Variants in HERC1 observed in about 807,000 individuals in gnomAD.
HERC1 encodes probable E3 ubiquitin-protein ligase HERC1.
Under a neutral mutation model 554.3 loss-of-function variants are expected in HERC1, and 160 were observed. That is an observed-to-expected ratio of 0.29 (90% CI 0.25 to 0.33). The LOEUF (loss-of-function observed/expected upper bound fraction) is 0.33. Ranked by LOEUF, HERC1 falls within the 10% of genes least tolerant of loss-of-function variation. The probability of loss-of-function intolerance (pLI) is 1.00; values close to 1 mark genes in which losing one functional copy is unlikely to be tolerated. For missense variants in HERC1, 4,919 were observed against 5,918.5 expected (o/e 0.83, Z 5.54); for synonymous variants, 2,175 against 2,131.7 (o/e 1.02, Z -0.56).
intron 55 of HERC1, among the ~76,000 whole-genome samples, chr15:63,647,295 T>C (rs1321757315): frequency 6.7e-6 from 1 of 148,936 alleles, no homozygotes; most frequent in Non-Finnish European, 1.5e-5. Context: ...AAAAACACAA[T>C]GAGATATCAT....
intron 42 of HERC1, among the ~76,000 whole-genome samples, chr15:63,664,903 G>C (rs1330479543): frequency 6.6e-6 from 1 of 152,158 alleles, no homozygotes; most frequent in Non-Finnish European, 1.5e-5. Context: ...CTTAAAATTT[G>C]AAATGATTGA....
At position 63,630,614 on chromosome 15, in the gene HERC1, T is replaced by C; in HGVS notation, c.12818A>G (p.Glu4273Gly). 2 of 1,613,010 alleles carry C rather than the reference T, an allele frequency of 1.2e-6. No homozygotes were observed. The highest frequency in any genetic ancestry group is 1.7e-6 in the Non-Finnish European group (2 of 1,179,536). ...FGQDRLIGLP[E>G]GRARNHNRPQ... ...TCGATTGTGATTGCGAGCACGCCCC[T>C]CTGGCAAGCCTATCAGGCGATCTGA... Residue 4273 changes from glutamate (E) to glycine (G), a missense_variant, in exon 69 of 78, where the codon GAG (glutamate) becomes GGG (glycine). Transcript: ENST00000443617.
chr15:63,617,315 T>C (rs1173715135), intron 74 of HERC1, among the ~76,000 whole-genome samples: 1 of 152,164 alleles, frequency 6.6e-6, no homozygotes, highest in East Asian at 1.9e-4. Flanking sequence ...CCAGCTTCAT[T>C]CATGTCCCTA....
chr15:63,614,570 TG>T (rs1199365433), intron 76 of HERC1, among the ~76,000 whole-genome samples: 1 of 152,220 alleles, frequency 6.6e-6, no homozygotes, highest in Non-Finnish European at 1.5e-5. Flanking sequence ...AAGAAGGAGC[TG>T]GGAGTGAGGG....
intron 37 of HERC1, 173 bp from the exon 38 acceptor site, chr15:63,675,290 A>C: frequency 1.9e-6 from 1 of 515,204 alleles, no homozygotes; most frequent in Non-Finnish European, 3.3e-6. Context: ...TATTATGAGA[A>C]AATGGGGAGA....
chr15:63,621,101 C>A (rs1017805240), intron 74 of HERC1, among the ~76,000 whole-genome samples: 2 of 152,224 alleles, frequency 1.3e-5, no homozygotes, highest in African/African-American at 4.8e-5. Context: ...ATGGTCTTTA[C>A]AATTTGGCAT....
intron 25 of HERC1, among the ~76,000 whole-genome samples, chr15:63,704,801 C>T (rs1017178287): frequency 2.9e-5 from 4 of 137,444 alleles, no homozygotes; most frequent in South Asian, 2.3e-4. Flanking sequence ...TGCAGTGGTG[C>T]GATCTCGGCT....
In HERC1 at chr15:63,643,151, A is replaced by G. The variant is rs1041422441; in HGVS notation, c.11332-93T>C. On this transcript the variant is annotated intron_variant, in intron 58 of 77. Coordinates refer to ENST00000443617, the MANE Select transcript of HERC1 (RefSeq NM_003922.4). ...TTTCACATTGACAAAAACATATTCTAAAGTCTACATTTTAGCTAAATTCAG... is the reference window on the plus strand; with the variant it reads ...TTTCACATTGACAAAAACATATTCTGAAGTCTACATTTTAGCTAAATTCAG... 21 of 996,330 alleles carry G rather than the reference A, an allele frequency of 2.1e-5. No individual in the cohort carries two copies. The Admixed American group carries it at 2.8e-4, about 13-fold the overall frequency. The allele number at this position is 996,330 out of a possible 1,614,324, so 61.7% of individuals were successfully genotyped here.
At chr15:63,714,671 C>T (rs1422231915) in intron 22 of HERC1, among the ~76,000 whole-genome samples, 1 of 151,264 alleles carries the variant, frequency 6.6e-6, no homozygotes, top group Non-Finnish European at 1.5e-5. Context: ...GCCTCAGCCT[C>T]CTGAGTAGCT....
Position 63,634,808 on chromosome 15 carries a change from A to T in HERC1, c.12495T>A (p.Arg4165=), listed in dbSNP as rs754733271. ...TGTTAGAGGTATTTCCAAGACCCAG[A>T]CGACCATAGTCACCATTCCCAAAGG... ...LFTFGNGDYG[R]LGLGNTSNKK... Residue 4165 remains arginine (R), a synonymous_variant, in exon 66 of 78, where the codon CGT becomes CGA. Transcript: ENST00000443617. 73 of 1,613,330 alleles carry T rather than the reference A, an allele frequency of 4.5e-5. 2 individuals carry two copies. The South Asian group carries it at 7.5e-4, about 17-fold the overall frequency.
chr15:63,656,165 A>G lies in HERC1; in HGVS notation c.9793T>C (p.Tyr3265His). The G allele has an allele frequency of 6.2e-7, 1 of 1,612,604 alleles. No homozygotes were observed. The highest frequency in any genetic ancestry group is 8.5e-7 in the Non-Finnish European group (1 of 1,179,244). Residue 3265 changes from tyrosine to histidine, a missense_variant, in exon 49 of 78, where the codon TAT becomes CAT. Transcript: ENST00000443617. ...AGACATCCCACTGCTGTGCTCAAAT[A>G]GGCCAGGCAAGAGATAGGCTTGTTA... Reference protein sequence around the residue: ...KANKPISCLAYLSTAVGCLAS... With the variant: ...KANKPISCLAHLSTAVGCLAS...
At chr15:63,790,717 G>A (rs1221144894) in intron 1 of HERC1, among the ~76,000 whole-genome samples, 1 of 151,516 alleles carries the variant, frequency 6.6e-6, no homozygotes, top group Non-Finnish European at 1.5e-5. Context: ...CTTTCTTTAA[G>A]TTTAAAAATG....
intron 1 of HERC1, among the ~76,000 whole-genome samples, chr15:63,793,861 C>G (rs185668909): frequency 2.0e-5 from 3 of 152,270 alleles, no homozygotes; most frequent in Non-Finnish European, 4.4e-5. Context: ...AGGCTGAGAC[C>G]TACTGGGCTG....
chr15:63,688,351 G>A (rs145093863), intron 33 of HERC1, among the ~76,000 whole-genome samples: 55 of 152,302 alleles, frequency 3.6e-4, no homozygotes, highest in African/African-American at 1.3e-3. Context: ...GAAACAGAAC[G>A]TGATTAAGGG....
intron 1 of HERC1, among the ~76,000 whole-genome samples, chr15:63,826,046 G>A (rs1042385126): frequency 6.6e-6 from 1 of 152,094 alleles, no homozygotes; most frequent in African/African-American, 2.4e-5. Flanking sequence ...TAACAGGTGT[G>A]AGCCACCACG....
In HERC1 at chr15:63,645,490, T is replaced by C. The variant is rs748606621; in HGVS notation, c.11071A>G (p.Met3691Val). 2.5e-6 allele frequency: 4 copies of C among 1,610,196 alleles called. No homozygotes were observed. In the East Asian group the frequency reaches 6.7e-5, roughly 27 times the overall value. Reference protein sequence around the residue: ...PGKGSKLQLLMATGCQSGLVC... With the variant: ...PGKGSKLQLLVATGCQSGLVC... ...TGCAAATTGACAACATACGTAGCCA[T>C]CAGTAACTGCAACTTGGATCCTTTC... The change falls in exon 56 of 78, where the codon ATG (methionine) becomes GTG (valine). Residue 3691 changes from methionine to valine, a missense_variant. Met to Val is a conservative substitution (Grantham distance 21). Transcript: ENST00000443617.
intron 63 of HERC1, among the ~76,000 whole-genome samples, chr15:63,638,045 C>T (rs2068863802): frequency 6.6e-6 from 1 of 152,058 alleles, no homozygotes; most frequent in South Asian, 2.1e-4. Context: ...CTATATCGTA[C>T]CAGGATTATT....
intron 74 of HERC1, among the ~76,000 whole-genome samples, chr15:63,622,180 G>T (rs1347472227): frequency 6.6e-6 from 1 of 152,022 alleles, no homozygotes; most frequent in Non-Finnish European, 1.5e-5. Flanking sequence ...ATAAATTTTG[G>T]TGCAGAAAAT....
At chr15:63,671,663 C>T (rs1015604489) in intron 39 of HERC1, among the ~76,000 whole-genome samples, 8 of 152,262 alleles carry the variant, frequency 5.3e-5, no homozygotes, top group African/African-American at 1.7e-4. Flanking sequence ...CTGAGGGATA[C>T]AGCCCTAGAG....
Sources: gnomAD v4.1 joint callset for allele counts (sites outside exome capture counted in the v4.1 genomes callset) on GRCh38, gnomAD v4.1.1 for gene constraint, MANE v1.5 for transcripts, NCBI Gene and HGNC (gene_info 2026-07-23, HGNC 2026-07-21) for gene names.